The following PIP4K2A variants were observed in gnomAD, a reference collection of about 807,000 sequenced individuals.
PIP4K2A encodes the protein phosphatidylinositol 5-phosphate 4-kinase type-2 alpha.
A neutral mutation model predicts 42.9 loss-of-function variants in PIP4K2A; 14 were observed. The ratio of observed to expected loss-of-function variants is 0.33; its 90% CI spans 0.22 to 0.51. PIP4K2A has a LOEUF of 0.51. Among genes scored for constraint, PIP4K2A ranks in the 20% least tolerant of loss-of-function variants. The pLI is 0.97. For synonymous variants in PIP4K2A, 192 were observed against 192.2 expected, an observed-to-expected ratio of 1.00 and a Z score of 0.01; for missense variants, 434 against 519.8, an observed-to-expected ratio of 0.83 and a Z score of 1.61.
rs1324307391 is a variant in PIP4K2A, at chr10:22,541,919, G to C, written c.921C>G (p.Thr307=). 6.2e-7 allele frequency: 1 copy of C among 1,613,994 alleles called. No homozygotes were observed. ...DGEEEGESDG[T]HPVGTPPDSP... ...TATCTGGGGGGGTTCCCACCGGGTG[G>C]GTGCCATCGCTCTCGCCCTCCTCCT... Residue 307 remains threonine, a synonymous_variant, in exon 8 of 10, where the codon ACC becomes ACG. Coordinates refer to ENST00000376573, the MANE Select transcript of PIP4K2A (RefSeq NM_005028.5).
intron 1 of PIP4K2A, among the ~76,000 whole-genome samples, chr10:22,645,684 T>TA (rs1838865350): frequency 1.3e-5 from 2 of 151,276 alleles, no homozygotes. Context: ...AGATAGTACT[T>TA]AATTTTTTTT....
intron 4 of PIP4K2A, among the ~76,000 whole-genome samples, chr10:22,587,025 T>C (rs993327552): frequency 6.6e-6 from 1 of 152,192 alleles, no homozygotes; most frequent in Non-Finnish European, 1.5e-5. Context: ...GGTGGCTGGC[T>C]GGCTCCAAGT....
chr10:22,605,678 CAA>C (rs1416104603), intron 3 of PIP4K2A, among the ~76,000 whole-genome samples: 1 of 151,926 alleles, frequency 6.6e-6, no homozygotes, highest in African/African-American at 2.4e-5. Flanking sequence ...CATGGGCCCT[CAA>C]AAGTCAGTTT....
chr10:22,579,553 T>A (rs1837209537), intron 4 of PIP4K2A, among the ~76,000 whole-genome samples: 1 of 152,164 alleles, frequency 6.6e-6, no homozygotes, highest in African/African-American at 2.4e-5. Flanking sequence ...TCTTTGGGCA[T>A]AACACTGCTT....
Position 22,618,990 on chromosome 10 carries a change from C to G in PIP4K2A, c.145-9273G>C, listed in dbSNP as rs567902130. On this transcript the variant is annotated intron_variant, in intron 1 of 9. Transcript: ENST00000376573. ...TTTCTTACTTTTTTCTACTAAGTGT[C>G]TTATTGGGAGAATGAGGGATTACCT... 5.9e-5 allele frequency among the ~76,000 whole-genome samples: 9 copies of G among 152,232 alleles called. No homozygotes were observed. The South Asian group carries it at 1.9e-3, about 32-fold the overall frequency.
At chr10:22,592,993 A>G (rs933709138) in intron 3 of PIP4K2A, among the ~76,000 whole-genome samples, 1 of 152,250 alleles carries the variant, frequency 6.6e-6, no homozygotes, top group Non-Finnish European at 1.5e-5. Context: ...AGCTCTGCCC[A>G]TGAATTTGCA....
At chr10:22,706,477 TA>T (rs1833825011) in intron 1 of PIP4K2A, among the ~76,000 whole-genome samples, 1 of 152,230 alleles carries the variant, frequency 6.6e-6, no homozygotes, top group Non-Finnish European at 1.5e-5. Context: ...GCCTCATGTC[TA>T]AGCCCTTCAC....
intron 7 of PIP4K2A, among the ~76,000 whole-genome samples, chr10:22,550,413 C>A (rs910785851): frequency 1.3e-5 from 2 of 152,156 alleles, no homozygotes; most frequent in African/African-American, 4.8e-5. Flanking sequence ...ACCGGGGATT[C>A]CCAGCGGATG....
At chr10:22,681,071 A>G (rs1839650624) in intron 1 of PIP4K2A, among the ~76,000 whole-genome samples, 1 of 152,076 alleles carries the variant, frequency 6.6e-6, no homozygotes, top group Non-Finnish European at 1.5e-5. Flanking sequence ...CTCCCCATGT[A>G]TCCTCCCAGT....
intron 3 of PIP4K2A, among the ~76,000 whole-genome samples, chr10:22,595,042 A>G (rs983042932): frequency 6.6e-6 from 1 of 152,246 alleles, no homozygotes; most frequent in African/African-American, 2.4e-5. Context: ...CTTTCATATC[A>G]CTATGAATAT....
At chr10:22,590,769 C>T (rs1837492301) in intron 4 of PIP4K2A, among the ~76,000 whole-genome samples, 1 of 152,150 alleles carries the variant, frequency 6.6e-6, no homozygotes, top group South Asian at 2.1e-4. Context: ...ACTTGGGAGG[C>T]TGGGGTGGGA....
At chr10:22,648,053 C>A (rs1172392225) in intron 1 of PIP4K2A, among the ~76,000 whole-genome samples, 1 of 152,198 alleles carries the variant, frequency 6.6e-6, no homozygotes, top group Admixed American at 6.5e-5. Context: ...GCTGTTCAGA[C>A]TTTATTTCCT....
chr10:22,667,909 GTGTGTGT>G (rs1839379641), intron 1 of PIP4K2A, among the ~76,000 whole-genome samples: 1 of 136,362 alleles, frequency 7.3e-6, no homozygotes, highest in Non-Finnish European at 1.6e-5. Flanking sequence ...GTGTGTGTGT[GTGTGTGT>G]AGAGAGGGGG....
chr10:22,664,218 CATATATAT>C (rs71395811), intron 1 of PIP4K2A, among the ~76,000 whole-genome samples: 333 of 26,080 alleles, frequency 0.013, 23 homozygotes, highest in African/African-American at 0.052. Flanking sequence ...TATATATATA[CATATATAT>C]ATACACACAC....
At chr10:22,710,816 T>G (rs1833899711) in intron 1 of PIP4K2A, among the ~76,000 whole-genome samples, 1 of 152,234 alleles carries the variant, frequency 6.6e-6, no homozygotes. Context: ...TTTATGTGCT[T>G]TAAGATTTTT....
chr10:22,627,309 T>C (rs555637648), intron 1 of PIP4K2A, among the ~76,000 whole-genome samples: 10 of 152,130 alleles, frequency 6.6e-5, no homozygotes, highest in African/African-American at 1.9e-4. Flanking sequence ...TTCATCAAGA[T>C]AAAATGCAGA....
At position 22,647,728 on chromosome 10, in the gene PIP4K2A, T is replaced by C. The variant is rs540662121; in HGVS notation, c.145-38011A>G. 4.6e-5 allele frequency among the ~76,000 whole-genome samples: 7 copies of C among 152,326 alleles called. No homozygotes were observed. The South Asian group carries it at 1.4e-3, about 32-fold the overall frequency. On this transcript the variant is annotated intron_variant, in intron 1 of 9. Coordinates refer to ENST00000376573, the MANE Select transcript of PIP4K2A (RefSeq NM_005028.5). ...TCACAGAAGACAGGATTGTGGGGACTTTCTTCACATCAGGTCCACTGGGGA... is the reference window on the plus strand; with the variant it reads ...TCACAGAAGACAGGATTGTGGGGACCTTCTTCACATCAGGTCCACTGGGGA...
chr10:22,664,061 A>ATG (rs1275069239), intron 1 of PIP4K2A, among the ~76,000 whole-genome samples: 1 of 82,186 alleles, frequency 1.2e-5, no homozygotes, highest in Admixed American at 1.2e-4. Flanking sequence ...ATGTATATAT[A>ATG]CATATATATA....
chr10:22,641,328 A>G (rs1838779272), intron 1 of PIP4K2A, among the ~76,000 whole-genome samples: 1 of 152,246 alleles, frequency 6.6e-6, no homozygotes, highest in Admixed American at 6.5e-5. Context: ...CTGCCACTAC[A>G]GAGTCTGTCT....
Sources: allele counts gnomAD v4.1 joint callset (sites outside exome capture counted in the v4.1 genomes callset), GRCh38; gene constraint gnomAD v4.1.1; transcripts MANE v1.5; gene names NCBI Gene and HGNC (gene_info 2026-07-23, HGNC 2026-07-21).